The following TRIM29 variants were observed in gnomAD, a reference collection of about 807,000 sequenced individuals.
TRIM29 encodes the protein tripartite motif-containing protein 29.
TRIM29 carries 52 observed loss-of-function variants against 57.3 expected under a neutral mutation model. That is an observed-to-expected ratio of 0.91 (90% CI 0.73 to 1.14). The LOEUF (loss-of-function observed/expected upper bound fraction) is 1.14, where lower values mean the gene tolerates loss of function less well. TRIM29 is among the 50% of genes most tolerant of loss of function. TRIM29 has a pLI of 0.00. For missense variants in TRIM29, 753 were observed against 774.6 expected (o/e 0.97, Z 0.33); for synonymous variants, 319 against 316.9 (o/e 1.01, Z -0.07).
chr11:120,137,830 C>T lies in TRIM29; in HGVS notation c.202G>A (p.Ala68Thr), dbSNP rs1364669544. Reference sequence around the variant, plus strand: ...CGCCACTCATTGCCCGCGAACAGGGCGCTCCTACCTTCCCCTGGCTTCAGG... The same window carrying T: ...CGCCACTCATTGCCCGCGAACAGGGTGCTCCTACCTTCCCCTGGCTTCAGG... ...SALKPGEGRS[A>T]LFAGNEWRRP... The change falls in exon 1 of 9, where the codon GCC becomes ACC. Residue 68 changes from alanine (A) to threonine (T), a missense_variant. Ala to Thr is a moderately conservative substitution (Grantham distance 58). Coordinates refer to ENST00000341846, the MANE Select transcript of TRIM29 (RefSeq NM_012101.4). This position sits in a 1 kb window ranked among gnomAD's most constrained non-coding sequence, Gnocchi z 6.2. The T allele has an allele frequency of 7.4e-6, 12 of 1,612,352 alleles. No individual in the cohort carries two copies. The highest frequency in any genetic ancestry group is 1.3e-5 in the African/African-American group (1 of 74,932).
chr11:120,118,385 G>A, intron 6 of TRIM29, 64 bp from the exon 7 acceptor site: 2 of 1,321,838 alleles, frequency 1.5e-6, no homozygotes, highest in Non-Finnish European at 2.1e-6. Flanking sequence ...GGCAGGACCA[G>A]GACACAGCCA....
At chr11:120,120,422 A>T in intron 6 of TRIM29, 151 bp downstream of exon 6, 1 of 666,502 alleles carries the variant, frequency 1.5e-6, no homozygotes, top group East Asian at 2.8e-5. Context: ...ACCCCTCCCT[A>T]CCCATGCCTG....
Position 120,118,217 on chromosome 11 carries a change from G to A in TRIM29, c.1627+6C>T. The A allele has an allele frequency of 1.2e-6, 2 of 1,613,646 alleles. No homozygotes were observed. Among genetic ancestry groups the A allele is most frequent in the Non-Finnish European group, 1.7e-6 (2 of 1,179,720 alleles). On this transcript the variant is annotated splice_donor_region_variant and intron_variant, in intron 7 of 8. Coordinates refer to ENST00000341846, the MANE Select transcript of TRIM29 (RefSeq NM_012101.4). ...GGAAAGCAGGGGCCAGGGTGGGCAAGCTCACCTTTCAGGGAGAAGGAGGAG... is the reference window on the plus strand; with the variant it reads ...GGAAAGCAGGGGCCAGGGTGGGCAAACTCACCTTTCAGGGAGAAGGAGGAG...
At chr11:120,127,307 G>C (rs1038213118) in intron 3 of TRIM29, 29 bp downstream of exon 3, 1 of 1,602,366 alleles carries the variant, frequency 6.2e-7, no homozygotes, top group African/African-American at 1.3e-5. Context: ...GAAATCGAGG[G>C]CTTGAGTGAC....
In TRIM29 at chr11:120,127,526, C is replaced by T. The variant is rs139313265; in HGVS notation, c.944G>A (p.Arg315Gln). The T allele has an allele frequency of 7.7e-4, 1,249 of 1,614,176 alleles. No homozygotes were observed. Among genetic ancestry groups the T allele is most frequent in the Non-Finnish European group, 9.8e-4 (1,158 of 1,180,018 alleles). ...CTTCTCCAGGTCCCGCACCAGGTCC[C>T]GGAAGTTCTGCTCCAGGATGGCCTT... ...NEKAILEQNF[R>Q]DLVRDLEKQK... is the part of the protein sequence containing the mutation. Residue 315 changes from arginine (R) to glutamine (Q), a missense_variant, in exon 3 of 9, where the codon CGG becomes CAG. By Grantham distance (43) the Arg-to-Gln change is conservative (BLOSUM62 1). Coordinates refer to ENST00000341846, the MANE Select transcript of TRIM29 (RefSeq NM_012101.4).
chr11:120,122,838 T>C (rs1157675277), intron 5 of TRIM29, 116 bp downstream of exon 5: 3 of 768,108 alleles, frequency 3.9e-6, no homozygotes, highest in East Asian at 5.0e-5. Context: ...CCAGGCAAAC[T>C]GGACATGCCA....
At chr11:120,117,951 C>T (rs1019162206) in intron 7 of TRIM29, 27 of 486,824 alleles carry the variant, frequency 5.5e-5, no homozygotes, top group South Asian at 5.3e-4. Flanking sequence ...GCATGTCCCC[C>T]GGTCCTGACC....
At position 120,137,568 on chromosome 11, in the gene TRIM29, C is replaced by T. The variant is rs766866251; in HGVS notation, c.464G>A (p.Arg155Gln). 1.2e-6 allele frequency: 2 copies of T among 1,612,054 alleles called. No homozygotes were observed. The highest frequency in any genetic ancestry group is 1.7e-5 in the Admixed American group (1 of 60,014). ...PGETRRNSYPRADTGLFSRSK... is the reference protein window; with the variant it reads ...PGETRRNSYPQADTGLFSRSK... ...CCGTGAAAAAAGGCCCGTGTCGGCCCGGGGGTAGCTGTTCCGCCGGGTCTC... is the reference window on the plus strand; with the variant it reads ...CCGTGAAAAAAGGCCCGTGTCGGCCTGGGGGTAGCTGTTCCGCCGGGTCTC... The change falls in exon 1 of 9, where the codon CGG becomes CAG. Residue 155 changes from arginine (R) to glutamine (Q), a missense_variant. Arg to Gln is a conservative substitution (Grantham distance 43). Transcript: ENST00000341846. This position sits in a 1 kb window ranked among gnomAD's most constrained non-coding sequence, Gnocchi z 6.2.
At chr11:120,115,553 C>T (rs982492527) in intron 7 of TRIM29, 139 bp from the exon 8 acceptor site, 25 of 726,116 alleles carry the variant, frequency 3.4e-5, no homozygotes, top group South Asian at 2.8e-4. Flanking sequence ...CGTCTGAACA[C>T]GCGTGCAGCA....
Position 120,137,717 on chromosome 11 carries a change from C to T in TRIM29, c.315G>A (p.Pro105=), listed in dbSNP as rs1002547268. 6.8e-6 allele frequency: 11 copies of T among 1,612,760 alleles called. 1 individual carries two copies. Among genetic ancestry groups the T allele is most frequent in the South Asian group, 5.5e-5 (5 of 91,060 alleles). Residue 105 remains proline (P), a synonymous_variant, in exon 1 of 9, where the codon CCG becomes CCA. Coordinates refer to ENST00000341846, the MANE Select transcript of TRIM29 (RefSeq NM_012101.4). This position sits in a 1 kb window ranked among gnomAD's most constrained non-coding sequence, Gnocchi z 6.2. ...CAGCCCCCAGCTGGAGCCCTGCGTA[C>T]GGCGACCTCTTGCCTTCCATAGAGT... ...SMDSMEGKRS[P]YAGLQLGAAK... is the part of the protein sequence containing the mutation.
chr11:120,124,730 T>C (rs1591324992), intron 4 of TRIM29: 1 of 152,212 alleles, frequency 6.6e-6, no homozygotes, highest in South Asian at 2.1e-4. Context: ...TATCTGTCCT[T>C]GTGTGTGATT....
Position 120,137,840 on chromosome 11 carries a change from T to G in TRIM29, c.192A>C (p.Glu64Asp). 1 of 1,612,318 alleles carries G rather than the reference T, an allele frequency of 6.2e-7. No individual in the cohort carries two copies. Among genetic ancestry groups the G allele is most frequent in the Non-Finnish European group, 8.5e-7 (1 of 1,180,012 alleles). ...TGCCCGCGAACAGGGCGCTCCTACC[T>G]TCCCCTGGCTTCAGGGCGCTGCCCA... is the stretch of plus-strand genomic sequence containing the variant. ...KSLGSALKPG[E>D]GRSALFAGNE... Residue 64 changes from glutamate (E) to aspartate (D), a missense_variant, in exon 1 of 9, where the codon GAA (glutamate) becomes GAC (aspartate). Transcript: ENST00000341846. This position sits in a 1 kb window ranked among gnomAD's most constrained non-coding sequence, Gnocchi z 6.2.
At chr11:120,113,686 G>C (rs575748780) in intron 8 of TRIM29, 56 of 456,268 alleles carry the variant, frequency 1.2e-4, no homozygotes, top group African/African-American at 7.0e-4. Context: ...CTGAGACCCA[G>C]GGAGGGGTAA....
intron 1 of TRIM29, chr11:120,128,883 G>C: frequency 1.4e-6 from 2 of 1,462,296 alleles, no homozygotes; most frequent in Non-Finnish European, 1.8e-6. Context: ...ATCCAGCCCA[G>C]CTCAGCCCAG....
chr11:120,135,990 C>T (rs1378268708), intron 1 of TRIM29, among the ~76,000 whole-genome samples: 1 of 152,108 alleles, frequency 6.6e-6, no homozygotes, highest in Non-Finnish European at 1.5e-5. Context: ...GGCCCTTTGC[C>T]CAAATCACCT....
At chr11:120,116,511 C>T (rs576642) in intron 7 of TRIM29, 93,745 of 152,812 alleles carry the variant, frequency 0.61, 29,475 homozygotes, top group African/African-American at 0.75. Context: ...TGATGAGCAC[C>T]GCCAGGCTGC....
intron 1 of TRIM29, among the ~76,000 whole-genome samples, chr11:120,136,419 T>C (rs1379198416): frequency 1.3e-5 from 2 of 152,190 alleles, no homozygotes; most frequent in African/African-American, 4.8e-5. Context: ...CATAGCACTT[T>C]CACATCATTG....
chr11:120,137,196 C>T lies in TRIM29; in HGVS notation c.804+32G>A. On this transcript the variant is annotated intron_variant, in intron 1 of 8. Coordinates refer to ENST00000341846, the MANE Select transcript of TRIM29 (RefSeq NM_012101.4). The surrounding 1 kb of genome is among the most constrained non-coding windows in gnomAD (Gnocchi z 6.2). ...GAGGGGTGGGGTGAGAGAGGAGAGG[C>T]CTGGAGGGGCAGGAGGGGCCCCAGC... 6.2e-7 allele frequency: 1 copy of T among 1,609,374 alleles called. No individual in the cohort carries two copies. The highest frequency in any genetic ancestry group is 8.5e-7 in the Non-Finnish European group (1 of 1,177,308).
At chr11:120,134,527 C>A (rs1020259304) in intron 1 of TRIM29, among the ~76,000 whole-genome samples, 1 of 152,216 alleles carries the variant, frequency 6.6e-6, no homozygotes, top group Non-Finnish European at 1.5e-5. Flanking sequence ...CAATGTCCCC[C>A]ACCTGTGACA....
Sources: allele counts gnomAD v4.1 joint callset (sites outside exome capture counted in the v4.1 genomes callset), GRCh38; gene constraint gnomAD v4.1.1; non-coding constraint Gnocchi (gnomAD v3.1); transcripts MANE v1.5; gene names NCBI Gene and HGNC (gene_info 2026-07-23, HGNC 2026-07-21).